The following SNAPC4 variants were observed in gnomAD, a reference collection of about 807,000 sequenced individuals.
The protein encoded by SNAPC4 is snRNA-activating protein complex subunit 4.
A neutral mutation model predicts 151.3 loss-of-function variants in SNAPC4; 127 were observed. That is an observed-to-expected ratio of 0.84 (90% CI 0.73 to 0.97). The LOEUF is 0.97. Among genes scored for constraint, SNAPC4 ranks in the 50% least tolerant of loss-of-function variants. The pLI is 0.00. For synonymous variants in SNAPC4, 1,002 were observed against 824.4 expected, an observed-to-expected ratio of 1.22 and a Z score of -3.69; for missense variants, 2,186 against 1,935.0, an observed-to-expected ratio of 1.13 and a Z score of -2.43.
chr9:136,398,224 G>A, intron 2 of SNAPC4, 75 bp downstream of exon 2: 2 of 1,491,140 alleles, frequency 1.3e-6, no homozygotes, highest in Non-Finnish European at 1.8e-6. Context: ...ACTCCCTAAT[G>A]TGCCTGAGAG....
rs758049662 is a variant in SNAPC4, at chr9:136,383,860, C to A, written c.1500+93G>T. On this transcript the variant is annotated intron_variant, in intron 15 of 23. Transcript: ENST00000684778. The surrounding 1 kb of genome is among the most constrained non-coding windows in gnomAD (Gnocchi z 4.2). ...AGAAATGCCAAGACCAGAAACCGAA[C>A]GCCCCCCTCCCCTCCCCTCCTCCTG... is the stretch of plus-strand genomic sequence containing the variant. 8 of 1,321,342 alleles carry A rather than the reference C, an allele frequency of 6.1e-6. No homozygotes were observed. Among genetic ancestry groups the A allele is most frequent in the South Asian group, 2.4e-5 (2 of 82,160 alleles). 81.9% of individuals were successfully genotyped at this position (1,321,342 alleles called of 1,614,324 possible).
chr9:136,386,167 C>G (rs552755049), intron 13 of SNAPC4, among the ~76,000 whole-genome samples: 1 of 148,702 alleles, frequency 6.7e-6, no homozygotes, highest in South Asian at 2.1e-4. Context: ...TTTTAATTAA[C>G]AGCCATCCCA....
chr9:136,396,688 T>C (rs1199141387), intron 3 of SNAPC4, among the ~76,000 whole-genome samples: 1 of 152,010 alleles, frequency 6.6e-6, no homozygotes, highest in African/African-American at 2.4e-5. Context: ...AGGACGCAGG[T>C]GCACAACTCA....
Position 136,394,282 on chromosome 9 carries a change from C to T in SNAPC4, c.599G>A (p.Arg200His), listed in dbSNP as rs895263557. The T allele has an allele frequency of 1.4e-5, 23 of 1,613,782 alleles. No individual in the cohort carries two copies. The highest frequency in any genetic ancestry group is 3.3e-5 in the South Asian group (3 of 91,092). The change falls in exon 7 of 24, where the codon CGC (arginine) becomes CAC (histidine). Residue 200 changes from arginine (R) to histidine (H), a missense_variant. Coordinates refer to ENST00000684778, the MANE Select transcript of SNAPC4 (RefSeq NM_003086.4). The part of the protein sequence containing the change: ...ALLRKSVVSD[R>H]LQRLLQPKLL... The stretch of plus-strand genomic sequence containing the variant: ...CTTGGGCTGAAGCAATCGCTGCAGG[C>T]GGTCACTCACCACTGACTTTCGGAG...
intron 11 of SNAPC4, 49 bp downstream of exon 11, chr9:136,388,395 T>C (rs758143405): frequency 6.3e-7 from 1 of 1,592,366 alleles, no homozygotes; most frequent in South Asian, 1.1e-5. Context: ...AGTGTCCTGA[T>C]ATGGGGCCCT....
chr9:136,392,004 G>A lies in SNAPC4; in HGVS notation c.913C>T (p.Leu305=), dbSNP rs771966709. 9.3e-6 allele frequency: 15 copies of A among 1,610,846 alleles called. No homozygotes were observed. Among genetic ancestry groups the A allele is most frequent in the Non-Finnish European group, 1.3e-5 (15 of 1,179,972 alleles). The part of the protein sequence containing the change: ...QEWSREEEER[L]QAIAAAHGHL... ...CCGTGTGCAGCCGCGATCGCCTGCA[G>A]CCGCTCCTCCTCCTCCCTGCTCCAC... The change falls in exon 10 of 24, where the codon CTG becomes TTG. Residue 305 remains leucine, a synonymous_variant. Coordinates refer to ENST00000684778, the MANE Select transcript of SNAPC4 (RefSeq NM_003086.4).
chr9:136,388,454 G>A lies in SNAPC4; in HGVS notation c.1113C>T (p.Pro371=), dbSNP rs774655637. The A allele has an allele frequency of 9.3e-6, 15 of 1,613,262 alleles. No individual in the cohort carries two copies. The highest frequency in any genetic ancestry group is 1.3e-5 in the African/African-American group (1 of 74,948). ...VQEMRVGSHI[P]YRRIVYYMEG... is the part of the protein sequence containing the mutation. ...GTGGAGGGGCCTCACTTCTGCGGTA[G>A]GGGATGTGGCTGCCGACGCGCATCT... The change falls in exon 11 of 24, where the codon CCC becomes CCT. Residue 371 remains proline, a synonymous_variant. Coordinates refer to ENST00000684778, the MANE Select transcript of SNAPC4 (RefSeq NM_003086.4).
chr9:136,388,144 G>A (rs1187518238), intron 11 of SNAPC4, among the ~76,000 whole-genome samples: 2 of 152,024 alleles, frequency 1.3e-5, no homozygotes, highest in African/African-American at 2.4e-5. Flanking sequence ...GCGCATGCCT[G>A]TAATCCCAGC....
At chr9:136,384,118 G>T in intron 14 of SNAPC4, 86 bp from the exon 15 acceptor site, 1 of 1,159,704 alleles carries the variant, frequency 8.6e-7, no homozygotes, top group Non-Finnish European at 1.2e-6. Context: ...GACTCGCCGT[G>T]GCCCCATCAG....
chr9:136,388,348 CT>C, intron 11 of SNAPC4, 95 bp downstream of exon 11: 2 of 1,306,442 alleles, frequency 1.5e-6, no homozygotes, highest in South Asian at 1.3e-5. Flanking sequence ...CCTCGTCTGT[CT>C]TGTTGCTTCT....
chr9:136,388,196 G>A (rs1265584048), intron 11 of SNAPC4, among the ~76,000 whole-genome samples: 1 of 151,830 alleles, frequency 6.6e-6, no homozygotes, highest in Non-Finnish European at 1.5e-5. Context: ...GAACCCGGGA[G>A]GCAGAGGTTG....
chr9:136,382,123 G>A, intron 17 of SNAPC4, 50 bp from the exon 18 acceptor site: 1 of 1,562,974 alleles, frequency 6.4e-7, no homozygotes, highest in South Asian at 1.2e-5. Context: ...TCGGCCCCCG[G>A]AGTGGACCCT....
In SNAPC4 at chr9:136,383,569, T is replaced by C. The variant is rs201615752; in HGVS notation, c.1600A>G (p.Ser534Gly). 6.3e-7 allele frequency: 1 copy of C among 1,591,342 alleles called. No homozygotes were observed. The highest frequency in any genetic ancestry group is 8.6e-7 in the Non-Finnish European group (1 of 1,163,458). ...SGSSSGSSGG[S>G]SSSSSSSSEE... is the part of the protein sequence containing the mutation. Reference sequence around the variant, plus strand: ...CTGCTGCTGCTGCTGCTGCTGCTGCTCCCTCCACTGCTGCCACTGCTGCTG... The same window carrying C: ...CTGCTGCTGCTGCTGCTGCTGCTGCCCCCTCCACTGCTGCCACTGCTGCTG... The change falls in exon 16 of 24, where the codon AGC (serine) becomes GGC (glycine). Residue 534 changes from serine (S) to glycine (G), a missense_variant. By Grantham distance (56) the Ser-to-Gly change is moderately conservative. Transcript: ENST00000684778. This position sits in a 1 kb window ranked among gnomAD's most constrained non-coding sequence, Gnocchi z 4.2.
Position 136,378,199 on chromosome 9 carries a change from C to T in SNAPC4, c.3628G>A (p.Gly1210Ser), listed in dbSNP as rs200938695. Residue 1210 changes from glycine (G) to serine (S), a missense_variant, in exon 22 of 24, where the codon GGT becomes AGT. By Grantham distance (56) the Gly-to-Ser change is moderately conservative (BLOSUM62 0). Transcript: ENST00000684778. ...PPWSGRLPAFGGVIPATEPRG... is the reference protein window; with the variant it reads ...PPWSGRLPAFSGVIPATEPRG... ...GGCTCAGTTGCTGGGATGACACCAC[C>T]GAAGGCTGGCAGCCTCCCGGACCAA... is the stretch of plus-strand genomic sequence containing the variant. 4.5e-5 allele frequency: 73 copies of T among 1,612,100 alleles called. No individual in the cohort carries two copies. Among genetic ancestry groups the T allele is most frequent in the East Asian group, 4.0e-4 (18 of 44,842 alleles).
At position 136,378,727 on chromosome 9, in the gene SNAPC4, T is replaced by G; in HGVS notation, c.3100A>C (p.Lys1034Gln). 1 of 1,507,342 alleles carries G rather than the reference T, an allele frequency of 6.6e-7. No homozygotes were observed. Among genetic ancestry groups the G allele is most frequent in the Non-Finnish European group, 8.9e-7 (1 of 1,128,068 alleles). The allele number at this position is 1,507,342 out of a possible 1,614,324, so 93.4% of individuals were successfully genotyped here. ...GGTGGCGCCTCAGGCAGGCCCTGCT[T>G]CCGGGATGCAGCGGGGGCCTGAGAC... ...GQSQAPAASR[K>Q]QGLPEAPPFL... is the part of the protein sequence containing the mutation. Residue 1034 changes from lysine to glutamine, a missense_variant, in exon 22 of 24, where the codon AAG becomes CAG. By Grantham distance (53) the Lys-to-Gln change is moderately conservative. Coordinates refer to ENST00000684778, the MANE Select transcript of SNAPC4 (RefSeq NM_003086.4).
At chr9:136,389,036 G>A (rs1833983072) in intron 10 of SNAPC4, among the ~76,000 whole-genome samples, 1 of 152,164 alleles carries the variant, frequency 6.6e-6, no homozygotes, top group African/African-American at 2.4e-5. Flanking sequence ...GTATGGGGTG[G>A]AGGAGGTACG....
At chr9:136,396,841 T>C in intron 3 of SNAPC4, 136 bp downstream of exon 3, 1 of 759,366 alleles carries the variant, frequency 1.3e-6, no homozygotes, top group South Asian at 1.5e-5. Context: ...CTTTTTAATT[T>C]TTTTATAACA....
At chr9:136,376,554 T>C in intron 22 of SNAPC4, 73 bp from the exon 23 acceptor site, 2 of 1,570,030 alleles carry the variant, frequency 1.3e-6, no homozygotes, top group East Asian at 4.5e-5. Flanking sequence ...GGGACGGGAG[T>C]GAGGAGGGGC....
At chr9:136,395,490 C>G in intron 4 of SNAPC4, 67 bp from the exon 5 acceptor site, 1 of 1,583,090 alleles carries the variant, frequency 6.3e-7, no homozygotes, top group Non-Finnish European at 8.6e-7. Context: ...GCGGAGGAGA[C>G]CCGGGGCAGA....
Sources: gnomAD v4.1 joint callset for allele counts (sites outside exome capture counted in the v4.1 genomes callset) on GRCh38, gnomAD v4.1.1 for gene constraint, Gnocchi (gnomAD v3.1) non-coding constraint, MANE v1.5 for transcripts, NCBI Gene and HGNC (gene_info 2026-07-23, HGNC 2026-07-21) for gene names.